Variants in IL12RB1 observed in about 807,000 individuals in gnomAD.
IL12RB1 encodes interleukin 12 receptor subunit beta 1, also known as interleukin-12 receptor subunit beta-1.
A neutral mutation model predicts 94.4 loss-of-function variants in IL12RB1; 64 were observed. The ratio of observed to expected loss-of-function variants is 0.68; its 90% CI spans 0.55 to 0.83. The LOEUF is 0.83. Among genes scored for constraint, IL12RB1 ranks in the 40% least tolerant of loss-of-function variants. IL12RB1 has a pLI of 0.00. For synonymous variants in IL12RB1, 362 were observed against 355.5 expected, an observed-to-expected ratio of 1.02 and a Z score of -0.21; for missense variants, 814 against 855.6, an observed-to-expected ratio of 0.95 and a Z score of 0.61.
chr19:18,087,148 A>C, upstream of IL12RB1: 2 of 417,322 alleles, frequency 4.8e-6, no homozygotes, highest in Non-Finnish European at 4.4e-6. Flanking sequence ...TGCCAGCCCC[A>C]TGGGCCCATG....
chr19:18,081,114 G>T, intron 3 of IL12RB1, 113 bp from the exon 4 acceptor site: 1 of 981,284 alleles, frequency 1.0e-6, no homozygotes, highest in Non-Finnish European at 1.5e-6. Context: ...TGTTTGTTTG[G>T]AGATGGAGTT....
At chr19:18,071,791 C>G (rs945553018) in intron 9 of IL12RB1, among the ~76,000 whole-genome samples, 4 of 152,078 alleles carry the variant, frequency 2.6e-5, no homozygotes, top group African/African-American at 9.7e-5. Context: ...CCTGCCTCAG[C>G]CTCCCAAGTA....
intron 12 of IL12RB1, among the ~76,000 whole-genome samples, chr19:18,065,744 G>A (rs1167246351): frequency 4.6e-5 from 7 of 151,958 alleles, no homozygotes; most frequent in African/African-American, 1.2e-4. Flanking sequence ...GCCTGAACCC[G>A]GGAGGCAGAG....
chr19:18,074,607 C>T (rs1401499343), intron 7 of IL12RB1, among the ~76,000 whole-genome samples: 2 of 151,990 alleles, frequency 1.3e-5, no homozygotes. Context: ...ATTAGCTGGG[C>T]GTGGTGGTGC....
At chr19:18,087,210 A>ATTTTTT (rs10640856), upstream of IL12RB1, among the ~76,000 whole-genome samples, 1 of 135,546 alleles carries the variant, frequency 7.4e-6, no homozygotes, top group Non-Finnish European at 1.6e-5. Context: ...TCTCTAGCCA[A>ATTTTTT]TTTTTTTTTT....
In IL12RB1 at chr19:18,072,618, C is replaced by A. The variant is rs545392144; in HGVS notation, c.784-269G>T. Among the ~76,000 whole-genome samples, 12 of 152,062 alleles carry A rather than the reference C, an allele frequency of 7.9e-5. No individual in the cohort carries two copies. The South Asian group carries it at 2.5e-3, about 31-fold the overall frequency. The stretch of plus-strand genomic sequence containing the variant: ...AAACAAAAATGTTTCCATCTTTTAA[C>A]CCAGTTACCTCAAGCAGAAAATTTT... On this transcript the variant is annotated intron_variant, in intron 8 of 16. Coordinates refer to ENST00000593993, the MANE Select transcript of IL12RB1 (RefSeq NM_005535.3).
intron 2 of IL12RB1, 122 bp from the exon 3 acceptor site, chr19:18,082,386 C>A (rs954868667): frequency 2.9e-6 from 2 of 698,780 alleles, no homozygotes; most frequent in Non-Finnish European, 5.3e-6. Flanking sequence ...TCCCCGCGTC[C>A]TTCCTACCTC....
At chr19:18,088,513 G>A (rs2036483882), upstream of IL12RB1, among the ~76,000 whole-genome samples, 1 of 150,496 alleles carries the variant, frequency 6.6e-6, no homozygotes, top group East Asian at 1.9e-4. Context: ...GCAGTGAATC[G>A]TGATTGTGCC....
chr19:18,095,191 T>G (rs962118579), intron 1 of IL12RB1, among the ~76,000 whole-genome samples: 8 of 151,856 alleles, frequency 5.3e-5, no homozygotes, highest in African/African-American at 1.9e-4. Context: ...AATAAATAAA[T>G]AAAGAAATAA....
intron 16 of IL12RB1, 79 bp from the exon 17 acceptor site, chr19:18,059,692 T>C (rs2033978789): frequency 1.3e-6 from 1 of 774,642 alleles, no homozygotes; most frequent in Non-Finnish European, 2.4e-6. Context: ...GTGGATGGAA[T>C]GGGCTGGGTA....
intron 12 of IL12RB1, 123 bp from the exon 13 acceptor site, chr19:18,064,133 T>TG: frequency 1.8e-6 from 1 of 550,184 alleles, no homozygotes; most frequent in Non-Finnish European, 3.2e-6. Flanking sequence ...CTCTACTCTT[T>TG]CTTTCTTTTT....
chr19:18,077,937 A>AC (rs900477122), intron 4 of IL12RB1, among the ~76,000 whole-genome samples: 13 of 152,038 alleles, frequency 8.6e-5, no homozygotes, highest in African/African-American at 2.9e-4. Flanking sequence ...ACATAGTGAG[A>AC]CCCCCTCATC....
chr19:18,067,893 G>A (rs541401733), intron 11 of IL12RB1, among the ~76,000 whole-genome samples: 75 of 151,956 alleles, frequency 4.9e-4, no homozygotes, highest in Admixed American at 4.0e-3. Flanking sequence ...ACGGGGTCTT[G>A]CTATGTTGCC....
chr19:18,059,238 C>G lies in IL12RB1; in HGVS notation c.*370G>C. 2 of 355,600 alleles carry G rather than the reference C, an allele frequency of 5.6e-6. No individual in the cohort carries two copies. The highest frequency in any genetic ancestry group is 4.2e-5 in the Admixed American group (1 of 23,724). 22.0% of individuals were successfully genotyped at this position (355,600 alleles called of 1,614,324 possible). A position where few individuals can be genotyped will look rare whatever the true frequency, so the allele number is the denominator to read the frequency against. On this transcript the variant is annotated 3_prime_UTR_variant, in exon 17 of 17. Transcript: ENST00000593993. ...CTGGATCCTCCAAGCTACAAGACCC[C>G]GCAATGCTGCAGGGAGCCCTTGAGT...
chr19:18,086,717 C>T, intron 1 of IL12RB1, 43 bp downstream of exon 1: 1 of 1,575,564 alleles, frequency 6.3e-7, no homozygotes, highest in Non-Finnish European at 8.6e-7. Context: ...CACGTGCCTC[C>T]ACCCAGCAAG....
intron 3 of IL12RB1, among the ~76,000 whole-genome samples, chr19:18,081,593 G>A (rs553344971): frequency 6.6e-6 from 1 of 151,766 alleles, no homozygotes; most frequent in East Asian, 2.0e-4. Flanking sequence ...GCCAAGGGGG[G>A]GTGGATCACC....
At chr19:18,085,692 C>T (rs2036279351) in intron 1 of IL12RB1, among the ~76,000 whole-genome samples, 1 of 152,076 alleles carries the variant, frequency 6.6e-6, no homozygotes, top group South Asian at 2.1e-4. Context: ...TCACTGCAAC[C>T]TCTGCCTCCT....
Position 18,059,507 on chromosome 19 carries a change from C to G in IL12RB1, c.*101G>C. ...ACGGGGCAGAGAGGAGGCAGGTGCACTGGAGCCTGGAGGAGCTCTGGGTTA... is the reference window on the plus strand; with the variant it reads ...ACGGGGCAGAGAGGAGGCAGGTGCAGTGGAGCCTGGAGGAGCTCTGGGTTA... On this transcript the variant is annotated 3_prime_UTR_variant, in exon 17 of 17. Coordinates refer to ENST00000593993, the MANE Select transcript of IL12RB1 (RefSeq NM_005535.3). The G allele has an allele frequency of 1.3e-6, 1 of 741,254 alleles. No individual in the cohort carries two copies. Among genetic ancestry groups the G allele is most frequent in the Non-Finnish European group, 2.5e-6 (1 of 397,520 alleles). 45.9% of individuals were successfully genotyped at this position (741,254 alleles called of 1,614,324 possible).
Position 18,082,682 on chromosome 19 carries a change from G to A in IL12RB1, c.125-418C>T, listed in dbSNP as rs74363730. On this transcript the variant is annotated intron_variant, in intron 2 of 16. Transcript: ENST00000593993. Reference sequence around the variant, plus strand: ...GTTGCCTATGTCTAGAACTGTGTCCGCACATAGAAGATGCTCAGTAAATCG... The same window carrying A: ...GTTGCCTATGTCTAGAACTGTGTCCACACATAGAAGATGCTCAGTAAATCG... Among the ~76,000 whole-genome samples the A allele has an allele frequency of 1.6e-3, 242 of 152,332 alleles. 10 individuals are homozygous for A. The East Asian group carries it at 0.045, about 28-fold the overall frequency.
Sources: allele counts gnomAD v4.1 joint callset (sites outside exome capture counted in the v4.1 genomes callset), GRCh38; gene constraint gnomAD v4.1.1; transcripts MANE v1.5; gene names NCBI Gene and HGNC (gene_info 2026-07-23, HGNC 2026-07-21).